The following AKR1C4 variants were observed in gnomAD, a reference collection of about 807,000 sequenced individuals.
The protein encoded by AKR1C4 is aldo-keto reductase family 1 member C4.
Under a neutral mutation model 41.0 loss-of-function variants are expected in AKR1C4, and 44 were observed. That is an observed-to-expected ratio of 1.07 (90% CI 0.84 to 1.38). The LOEUF is 1.38. Among genes scored for constraint, AKR1C4 ranks in the 40% most tolerant of loss-of-function variants. The pLI is 0.00. For missense variants in AKR1C4, 438 were observed against 387.9 expected (o/e 1.13, Z -1.09); for synonymous variants, 165 against 137.7 (o/e 1.20, Z -1.39).
chr10:5,202,937 TTTTG>T (rs1264470839), intron 2 of AKR1C4, among the ~76,000 whole-genome samples: 1 of 69,236 alleles, frequency 1.4e-5, no homozygotes, highest in African/African-American at 5.5e-5. Context: ...TATAGTTTTC[TTTTG>T]TGTGTGTGTG....
intron 2 of AKR1C4, among the ~76,000 whole-genome samples, chr10:5,201,712 A>G (rs1832402693): frequency 6.6e-6 from 1 of 152,092 alleles, no homozygotes; most frequent in Admixed American, 6.5e-5. Context: ...AGAGTTTTCC[A>G]ATGTTATCTT....
At position 5,203,995 on chromosome 10, in the gene AKR1C4, C is replaced by T. The variant is rs1832443836; in HGVS notation, c.253-382C>T. ...AGAAGTATCTTGAATGATTGCTCAACACATGTCAGCACGTAAAAACTTTTT... is the reference window on the plus strand; with the variant it reads ...AGAAGTATCTTGAATGATTGCTCAATACATGTCAGCACGTAAAAACTTTTT... On this transcript the variant is annotated intron_variant, in intron 2 of 8. Coordinates refer to ENST00000263126, the MANE Select transcript of AKR1C4 (RefSeq NM_001818.5). 2.0e-5 allele frequency among the ~76,000 whole-genome samples: 3 copies of T among 152,142 alleles called. 1 individual carries two copies. In the South Asian group the frequency reaches 6.2e-4, roughly 32 times the overall value.
intron 7 of AKR1C4, 84 bp downstream of exon 7, chr10:5,213,243 AC>A: frequency 6.4e-7 from 1 of 1,556,584 alleles, no homozygotes; most frequent in South Asian, 1.2e-5. Context: ...ACACCCTTGG[AC>A]TAAGTCCACT....
chr10:5,205,131 TGACGTA>T (rs1832465057), intron 3 of AKR1C4, among the ~76,000 whole-genome samples: 1 of 151,808 alleles, frequency 6.6e-6, no homozygotes, highest in Admixed American at 6.6e-5. Flanking sequence ...TTTCAAGATT[TGACGTA>T]GACTCTAAAA....
intron 5 of AKR1C4, 42 bp from the exon 6 acceptor site, chr10:5,212,573 TG>T: frequency 6.6e-7 from 1 of 1,508,864 alleles, no homozygotes; most frequent in Non-Finnish European, 9.1e-7. Context: ...TTAACATATC[TG>T]TTTTGAATTA....
chr10:5,212,217 A>G (rs1373785408), intron 5 of AKR1C4, among the ~76,000 whole-genome samples: 2 of 152,220 alleles, frequency 1.3e-5, no homozygotes, highest in Non-Finnish European at 2.9e-5. Flanking sequence ...TTTGATGCTC[A>G]AATCTATGCA....
At chr10:5,211,255 C>A (rs1832571775) in intron 5 of AKR1C4, among the ~76,000 whole-genome samples, 1 of 152,238 alleles carries the variant, frequency 6.6e-6, no homozygotes, top group East Asian at 1.9e-4. Context: ...CAAATTTCTG[C>A]AGCTGGCTTG....
At chr10:5,207,387 T>C (rs1326060806) in intron 5 of AKR1C4, 3 of 322,300 alleles carry the variant, frequency 9.3e-6, no homozygotes, top group African/African-American at 2.2e-5. Context: ...ACTCCTGAGA[T>C]GTAGGTGGTC....
intron 5 of AKR1C4, among the ~76,000 whole-genome samples, chr10:5,210,545 A>G (rs1832557020): frequency 6.6e-6 from 1 of 152,028 alleles, no homozygotes; most frequent in African/African-American, 2.4e-5. Context: ...CTGCCTGGAC[A>G]TTCAGGCGTT....
chr10:5,202,936 C>A (rs369559153), intron 2 of AKR1C4, among the ~76,000 whole-genome samples: 1,077 of 75,910 alleles, frequency 0.014, 17 homozygotes, highest in African/African-American at 0.058. Flanking sequence ...CTATAGTTTT[C>A]TTTTGTGTGT....
chr10:5,205,042 T>C (rs1014442574), intron 3 of AKR1C4, among the ~76,000 whole-genome samples: 12 of 152,200 alleles, frequency 7.9e-5, no homozygotes, highest in African/African-American at 2.9e-4. Context: ...TTTAAATTTA[T>C]AGAAAAAAAA....
chr10:5,206,028 G>T (rs1174953541), intron 4 of AKR1C4, among the ~76,000 whole-genome samples, 194 bp downstream of exon 4: 1 of 152,142 alleles, frequency 6.6e-6, no homozygotes, highest in African/African-American at 2.4e-5. Flanking sequence ...GAGATAAACT[G>T]GGGACAAGGA....
Position 5,202,089 on chromosome 10 carries a change from C to A in AKR1C4, c.252+1741C>A, listed in dbSNP as rs545160024. Among the ~76,000 whole-genome samples, 34 of 152,046 alleles carry A rather than the reference C, an allele frequency of 2.2e-4. No individual in the cohort carries two copies. The South Asian group carries it at 5.8e-3, about 26-fold the overall frequency. ...TAGTATTGCCTTGGCTATTGAGGCC[C>A]TTTTGTGGTTCCATATGAATTTGGA... On this transcript the variant is annotated intron_variant, in intron 2 of 8. Coordinates refer to ENST00000263126, the MANE Select transcript of AKR1C4 (RefSeq NM_001818.5).
At chr10:5,207,523 G>A in intron 5 of AKR1C4, 1 of 500,734 alleles carries the variant, frequency 2.0e-6, no homozygotes, top group Non-Finnish European at 3.7e-6. Context: ...TAGGGTATAA[G>A]AAAATAAAGA....
Position 5,200,293 on chromosome 10 carries a change from G to A in AKR1C4, c.197G>A (p.Arg66Gln), listed in dbSNP as rs782235828. The change falls in exon 2 of 9, where the codon CGA becomes CAA. Residue 66 changes from arginine (R) to glutamine (Q), a missense_variant. Physicochemically the swap from Arg to Gln is conservative, Grantham distance 43 (BLOSUM62 1). Coordinates refer to ENST00000263126, the MANE Select transcript of AKR1C4 (RefSeq NM_001818.5). Reference sequence around the variant, plus strand: ...GAGGAGCAGGTTGGACTGGCCATCCGAAGCAAGATTGCAGATGGCAGTGTG... The same window carrying A: ...GAGGAGCAGGTTGGACTGGCCATCCAAAGCAAGATTGCAGATGGCAGTGTG... Reference protein sequence around the residue: ...NNEEQVGLAIRSKIADGSVKR... With the variant: ...NNEEQVGLAIQSKIADGSVKR... The A allele has an allele frequency of 6.8e-6, 11 of 1,614,160 alleles. No individual in the cohort carries two copies. The highest frequency in any genetic ancestry group is 2.2e-5 in the East Asian group (1 of 44,884).
chr10:5,200,467 C>G, intron 2 of AKR1C4, 119 bp downstream of exon 2: 1 of 1,446,634 alleles, frequency 6.9e-7, no homozygotes, highest in Non-Finnish European at 9.2e-7. Context: ...CCAATTTATT[C>G]ACACATATTC....
chr10:5,200,576 C>G (rs1554796847), intron 2 of AKR1C4, among the ~76,000 whole-genome samples: 1 of 152,146 alleles, frequency 6.6e-6, no homozygotes, highest in Admixed American at 6.5e-5. Flanking sequence ...GGTTTTGAGC[C>G]TCAGCTCAGA....
intron 2 of AKR1C4, among the ~76,000 whole-genome samples, chr10:5,203,048 C>T (rs72772226): frequency 0.2 from 30,063 of 151,062 alleles, 3,101 homozygotes; most frequent in Admixed American, 0.22. Flanking sequence ...GCAGGATTCC[C>T]TCTTTCTCTG....
intron 6 of AKR1C4, 23 bp from the exon 7 acceptor site, chr10:5,212,971 A>C: frequency 2.5e-6 from 4 of 1,612,356 alleles, no homozygotes; most frequent in Non-Finnish European, 3.4e-6. Context: ...TCAAGACTTC[A>C]GCATTTCTGG....
Sources: gnomAD v4.1 joint callset for allele counts (sites outside exome capture counted in the v4.1 genomes callset) on GRCh38, gnomAD v4.1.1 for gene constraint, MANE v1.5 for transcripts, NCBI Gene and HGNC (gene_info 2026-07-23, HGNC 2026-07-21) for gene names.